NCOR2: variants seen among roughly 807,000 people sequenced by gnomAD.
NCOR2 encodes CTG repeat protein 26.
In NCOR2, 81 loss-of-function variants were observed where a neutral mutation model predicts 262.9. The observed-to-expected ratio is 0.31, with a 90% CI of 0.26 to 0.37. NCOR2 has a LOEUF of 0.37. Ranked by LOEUF, NCOR2 falls within the 10% of genes least tolerant of loss-of-function variation. The pLI, the probability that NCOR2 is intolerant of heterozygous loss-of-function variation, is 1.00. For missense variants in NCOR2, 3,385 were observed against 3,621.4 expected, an observed-to-expected ratio of 0.93 and a Z score of 1.68; for synonymous variants, 1,659 against 1,559.3, an observed-to-expected ratio of 1.06 and a Z score of -1.51.
At chr12:124,417,709 T>C (rs1484813057) in intron 13 of NCOR2, among the ~76,000 whole-genome samples, 1 of 152,252 alleles carries the variant, frequency 6.6e-6, no homozygotes, top group African/African-American at 2.4e-5. Context: ...ACTCCCTGAC[T>C]GGCACTTACC....
upstream of NCOR2, chr12:124,567,609 TGGCGGC>T (rs574345580): frequency 0.016 from 2,250 of 143,968 alleles, 28 homozygotes; most frequent in South Asian, 0.025. Context: ...GCGGCGGCGG[TGGCGGC>T]GGCGGCGGCG....
rs908408065 is a variant in NCOR2, at chr12:124,523,909, C to T, written c.-118+11656G>A. On this transcript the variant is annotated intron_variant, in intron 1 of 46. Transcript: ENST00000404621. The surrounding 1 kb of genome is among the most constrained non-coding windows in gnomAD (Gnocchi z 4.0). ...TGAAACCCGCATCTACGACACTAAC[C>T]ACTAGACTATACTGTCTCCAAGAAT... is the stretch of plus-strand genomic sequence containing the variant. Among the ~76,000 whole-genome samples, 3 of 152,204 alleles carry T rather than the reference C, an allele frequency of 2.0e-5. No homozygotes were observed. The highest frequency in any genetic ancestry group is 7.2e-5 in the African/African-American group (3 of 41,436).
rs1003311185 is a variant in NCOR2 at position 124,389,453 on chromosome 12, G to A, written c.1877-3566C>T. ...CCCTCCCTCTCTCCCCATCCGCGGC[G>A]GTGGCGGCGTCAGCAGTGGTAAGAA... On this transcript the variant is annotated intron_variant, in intron 16 of 46. Coordinates refer to ENST00000405201, the Ensembl canonical transcript of NCOR2. This position sits in a 1 kb window ranked among gnomAD's most constrained non-coding sequence, Gnocchi z 4.4. Among the ~76,000 whole-genome samples the A allele has an allele frequency of 2.6e-5, 4 of 152,094 alleles. No individual in the cohort carries two copies. The highest frequency in any genetic ancestry group is 9.7e-5 in the African/African-American group (4 of 41,396).
chr12:124,509,248 G>GGT lies in NCOR2; in HGVS notation c.-117-13881_-117-13880insAC, dbSNP rs1555234165. ...CACTGGCTTTGGTGGGGGGGGGGGGGGCTTAACTCTGAACTCTCAAGCTGA... is the reference window on the plus strand; with the variant it reads ...CACTGGCTTTGGTGGGGGGGGGGGGGGTGCTTAACTCTGAACTCTCAAGCTGA... On this transcript the variant is annotated intron_variant, in intron 1 of 46. Transcript: ENST00000404621. Among the ~76,000 whole-genome samples, 14 of 150,908 alleles carry GGT rather than the reference G, an allele frequency of 9.3e-5. No individual in the cohort carries two copies. The South Asian group carries it at 1.7e-3, about 18-fold the overall frequency.
intron 42 of NCOR2, 33 bp from the exon 45 acceptor site, chr12:124,332,500 T>G (rs765975059): frequency 1.4e-5 from 23 of 1,613,446 alleles, no homozygotes; most frequent in Middle Eastern, 1.6e-4. Context: ...ATCAGCTCAC[T>G]TGGTGCCGAG....
At chr12:124,514,817 C>CAAAA (rs55977979) in intron 1 of NCOR2, 6 of 92,572 alleles carry the variant, frequency 6.5e-5, no homozygotes, top group Middle Eastern at 5.9e-3. Flanking sequence ...GACTTTGTCT[C>CAAAA]AAAAAAAAAA....
chr12:124,421,464 C>G (rs2043199821), intron 12 of NCOR2, among the ~76,000 whole-genome samples: 1 of 152,254 alleles, frequency 6.6e-6, no homozygotes, highest in Non-Finnish European at 1.5e-5. Context: ...ATTTATAGGG[C>G]TTGTTTCTCC....
At position 124,481,483 on chromosome 12, in the gene NCOR2, T is replaced by C. The variant is rs1423697454; in HGVS notation, c.411+2113A>G. ...GGCTAGCCACAGGTCTCCCCTGCCA[T>C]GCAGGCCCTGGAGGGCAGCCAGGGC... On this transcript the variant is annotated intron_variant, in intron 3 of 46. Coordinates refer to ENST00000405201, the Ensembl canonical transcript of NCOR2. This position sits in a 1 kb window ranked among gnomAD's most constrained non-coding sequence, Gnocchi z 4.6. Among the ~76,000 whole-genome samples, 1 of 152,108 alleles carries C rather than the reference T, an allele frequency of 6.6e-6. No individual in the cohort carries two copies. The highest frequency in any genetic ancestry group is 6.5e-5 in the Admixed American group (1 of 15,286).
chr12:124,526,766 G>A (rs984499567), intron 1 of NCOR2, among the ~76,000 whole-genome samples: 4 of 152,132 alleles, frequency 2.6e-5, no homozygotes, highest in African/African-American at 4.8e-5. Flanking sequence ...CCCCTTCCAC[G>A]TCAGGCACAT....
intron 13 of NCOR2, 144 bp downstream of exon 15, chr12:124,419,813 C>T (rs570817176): frequency 4.1e-6 from 3 of 734,754 alleles, no homozygotes; most frequent in Admixed American, 3.8e-5. Flanking sequence ...CGGAGGGGAG[C>T]CTGCACTCAC....
intron 1 of NCOR2, 35 bp downstream of exon 2, chr12:124,535,530 C>G (rs1392009966): frequency 6.6e-6 from 1 of 152,224 alleles, no homozygotes; most frequent in Non-Finnish European, 1.5e-5. Context: ...GATGAACCTC[C>G]TGGGGACACC....
At chr12:124,333,332 C>T (rs1446561758) in intron 41 of NCOR2, 53 bp from the exon 44 acceptor site, 26 of 1,432,992 alleles carry the variant, frequency 1.8e-5, no homozygotes, top group African/African-American at 4.3e-5. Flanking sequence ...ACTGAGGGGG[C>T]GCACCCTCCC....
chr12:124,408,559 A>C (rs981159883), intron 13 of NCOR2, among the ~76,000 whole-genome samples: 6 of 151,964 alleles, frequency 3.9e-5, no homozygotes, highest in Non-Finnish European at 8.8e-5. Context: ...CAGCCTGGGC[A>C]ACACAGTGAG....
chr12:124,463,552 G>A (rs749024697), intron 5 of NCOR2, among the ~76,000 whole-genome samples: 7 of 152,212 alleles, frequency 4.6e-5, no homozygotes, highest in Admixed American at 2.6e-4. Context: ...AATGTGCTCC[G>A]AATGGATAAT....
chr12:124,520,089 G>A (rs1341428129), intron 1 of NCOR2, among the ~76,000 whole-genome samples: 1 of 152,226 alleles, frequency 6.6e-6, no homozygotes, highest in South Asian at 2.1e-4. Context: ...GAGCATAGTG[G>A]CTGCGGAGGC....
exon 14 of NCOR2, chr12:124,402,432 C>T: frequency 1.9e-6 from 3 of 1,614,180 alleles, no homozygotes; most frequent in Non-Finnish European, 1.7e-6. Context: ...TCGTTCTCCA[C>T]CTCCGGCTTC....
intron 8 of NCOR2, among the ~76,000 whole-genome samples, chr12:124,433,069 G>C (rs2044064858): frequency 6.6e-6 from 1 of 152,190 alleles, no homozygotes; most frequent in African/African-American, 2.4e-5. Context: ...TATTTCAGCT[G>C]CTGACCAAGG....
Position 124,378,175 on chromosome 12 carries a change from T to C in NCOR2, c.2167+62A>G, listed in dbSNP as rs1346480572. 1.3e-6 allele frequency: 2 copies of C among 1,583,856 alleles called. No individual in the cohort carries two copies. Among genetic ancestry groups the C allele is most frequent in the South Asian group, 1.2e-5 (1 of 86,096 alleles). ...AGGCTGCCGGGATCAGTTCCCGCTA[T>C]GCCCTCCCTCAGAGCTCGGACCCAC... is the stretch of plus-strand genomic sequence containing the variant. On this transcript the variant is annotated intron_variant, in intron 18 of 46. Coordinates refer to ENST00000405201, the Ensembl canonical transcript of NCOR2. This position sits in a 1 kb window ranked among gnomAD's most constrained non-coding sequence, Gnocchi z 4.2.
At chr12:124,491,458 G>A (rs2048078767) in intron 1 of NCOR2, among the ~76,000 whole-genome samples, 1 of 152,218 alleles carries the variant, frequency 6.6e-6, no homozygotes, top group African/African-American at 2.4e-5. Context: ...ACTGGGGCAG[G>A]ATGTAAATGC....
Sources: allele counts gnomAD v4.1 joint callset (sites outside exome capture counted in the v4.1 genomes callset), GRCh38; gene constraint gnomAD v4.1.1; non-coding constraint Gnocchi (gnomAD v3.1); transcripts MANE v1.5; gene names NCBI Gene and HGNC (gene_info 2026-07-23, HGNC 2026-07-21).